The following BRI3BP variants were observed in gnomAD, a reference collection of about 807,000 sequenced individuals.
The protein encoded by BRI3BP is BRI3 binding protein, also known as BRI3-binding protein.
A neutral mutation model predicts 15.8 loss-of-function variants in BRI3BP; 7 were observed. The ratio of observed to expected loss-of-function variants is 0.44; its 90% CI spans 0.25 to 0.83. The LOEUF (loss-of-function observed/expected upper bound fraction) is 0.83, where lower values mean the gene tolerates loss of function less well. Among genes scored for constraint, BRI3BP ranks in the 40% least tolerant of loss-of-function variants. The pLI is 0.20. For synonymous variants in BRI3BP, 192 were observed against 163.5 expected (o/e 1.17, Z -1.33); for missense variants, 320 against 339.3 (o/e 0.94, Z 0.45).
intron 2 of BRI3BP, among the ~76,000 whole-genome samples, chr12:125,016,594 C>T (rs1034200342): frequency 6.6e-6 from 1 of 151,906 alleles, no homozygotes; most frequent in African/African-American, 2.4e-5. Context: ...GGCGCTATCT[C>T]GGCTCACTGC....
At chr12:125,044,783 T>C in the BRI3BP span, among the ~76,000 whole-genome samples, 1 of 152,054 alleles carries the variant, frequency 6.6e-6, no homozygotes, top group Non-Finnish European at 1.5e-5. Flanking sequence ...CTTTAAAATT[T>C]ATTGCAGAGA....
chr12:125,016,220 C>T (rs529537580), intron 2 of BRI3BP, among the ~76,000 whole-genome samples: 7 of 152,198 alleles, frequency 4.6e-5, no homozygotes, highest in South Asian at 2.1e-4. Flanking sequence ...TCAAGGCATC[C>T]GAAGCCCTTT....
the BRI3BP span, among the ~76,000 whole-genome samples, chr12:125,049,008 G>C: frequency 6.6e-6 from 1 of 152,082 alleles, no homozygotes. Context: ...GCCTAGGCTG[G>C]AGTGCAATGG....
intron 2 of BRI3BP, among the ~76,000 whole-genome samples, chr12:125,016,166 G>C (rs564329084): frequency 1.3e-5 from 2 of 152,270 alleles, no homozygotes; most frequent in South Asian, 4.1e-4. Flanking sequence ...AAACGAGCTT[G>C]CTTCCGTGTC....
At position 125,027,296 on chromosome 12, in the gene BRI3BP, T is replaced by C. The variant is rs1289968105; in HGVS notation, c.*1866T>C. 9 of 152,136 alleles carry C rather than the reference T, an allele frequency of 5.9e-5. No homozygotes were observed. The highest frequency in any genetic ancestry group is 2.2e-4 in the African/African-American group (9 of 41,412). The allele number at this position is 152,136 out of a possible 1,614,324, so 9.4% of individuals were successfully genotyped here. On this transcript the variant is annotated 3_prime_UTR_variant, in exon 3 of 3. Transcript: ENST00000341446. ...GGTACACATGATGGGACCCAAACTC[T>C]CCTGGAGAGTTCCATTCACTTCCTG...
At chr12:125,011,913 C>T (rs987483747) in intron 1 of BRI3BP, among the ~76,000 whole-genome samples, 1 of 152,082 alleles carries the variant, frequency 6.6e-6, no homozygotes, top group Admixed American at 6.5e-5. Flanking sequence ...CCGCAGGGTG[C>T]GGTGCAGTGT....
Position 125,025,622 on chromosome 12 carries a change from C to T in BRI3BP, c.*192C>T. The T allele has an allele frequency of 3.4e-6, 2 of 582,566 alleles. No homozygotes were observed. The highest frequency in any genetic ancestry group is 2.7e-5 in the South Asian group (1 of 37,242). The allele number at this position is 582,566 out of a possible 1,614,324, so 36.1% of individuals were successfully genotyped here. A position where few individuals can be genotyped will look rare whatever the true frequency, so the allele number is the denominator to read the frequency against. On this transcript the variant is annotated 3_prime_UTR_variant, in exon 3 of 3. Transcript: ENST00000341446. ...CCCAGAAGAGCGGAAAGATCATTGACGTGGAACTACACACGAAGTGTAATT... is the reference window on the plus strand; with the variant it reads ...CCCAGAAGAGCGGAAAGATCATTGATGTGGAACTACACACGAAGTGTAATT...
rs35697952 is a variant in BRI3BP, at chr12:125,011,093, T to TAA, written c.214-1419_214-1418dup. 6.6e-3 allele frequency among the ~76,000 whole-genome samples: 620 copies of TAA among 93,356 alleles called. 6 individuals are homozygous for TAA. Among genetic ancestry groups the TAA allele is most frequent in the East Asian group, 0.025 (74 of 2,952 alleles). 61.2% of individuals were successfully genotyped at this position (93,356 alleles called of 152,430 possible). A position where few individuals can be genotyped will look rare whatever the true frequency, so the allele number is the denominator to read the frequency against. On this transcript the variant is annotated intron_variant, in intron 1 of 2. Transcript: ENST00000341446. ...GGAGTGACAGAGCGAGACCCTGTCT[T>TAA]AAAAAAAAAAAAAAAAAAAAAAAGC...
At chr12:125,011,144 C>G (rs1355705814) in intron 1 of BRI3BP, among the ~76,000 whole-genome samples, 1 of 150,114 alleles carries the variant, frequency 6.7e-6, no homozygotes, top group African/African-American at 2.4e-5. Flanking sequence ...GAGGCATTTA[C>G]CCTTCACACG....
intron 1 of BRI3BP, among the ~76,000 whole-genome samples, chr12:124,995,290 A>C (rs1955031074): frequency 6.6e-6 from 1 of 152,216 alleles, no homozygotes; most frequent in Non-Finnish European, 1.5e-5. Context: ...GAATGTGAAA[A>C]GGTTGCCCTG....
chr12:125,045,665 C>T, the BRI3BP span, among the ~76,000 whole-genome samples: 2 of 152,184 alleles, frequency 1.3e-5, no homozygotes, highest in African/African-American at 2.4e-5. Context: ...AGTGCCTCCC[C>T]ACCCTTGTGA....
the BRI3BP span, among the ~76,000 whole-genome samples, chr12:125,041,079 T>G: frequency 6.6e-6 from 1 of 151,574 alleles, no homozygotes; most frequent in Non-Finnish European, 1.5e-5. Flanking sequence ...GGAGTCTCGC[T>G]CTGTCGCCCA....
intron 2 of BRI3BP, among the ~76,000 whole-genome samples, chr12:125,020,644 G>A (rs1189985571): frequency 6.6e-6 from 1 of 152,194 alleles, no homozygotes; most frequent in East Asian, 1.9e-4. Context: ...CAGCACTTTG[G>A]GAGGTTGAGG....
chr12:125,001,062 TA>T (rs1688398153), intron 1 of BRI3BP, among the ~76,000 whole-genome samples: 1 of 151,632 alleles, frequency 6.6e-6, no homozygotes, highest in Non-Finnish European at 1.5e-5. Context: ...TTTTTATTTT[TA>T]TTTTTTTTTG....
intron 2 of BRI3BP, among the ~76,000 whole-genome samples, chr12:125,018,717 T>A (rs958577879): frequency 1.2e-4 from 18 of 151,432 alleles, no homozygotes; most frequent in African/African-American, 4.4e-4. Flanking sequence ...TCTTGCCCTG[T>A]TGCCCAGGCT....
intron 2 of BRI3BP, among the ~76,000 whole-genome samples, chr12:125,013,720 G>T (rs1425840969): frequency 6.6e-6 from 1 of 152,220 alleles, no homozygotes; most frequent in African/African-American, 2.4e-5. Flanking sequence ...ATTGCCAGGG[G>T]AGCTGGCCCC....
At chr12:125,024,918 T>C in intron 2 of BRI3BP, 73 bp from the exon 3 acceptor site, 1 of 1,371,168 alleles carries the variant, frequency 7.3e-7, no homozygotes, top group South Asian at 1.4e-5. Context: ...CCAGCTCAAC[T>C]ATCCAATTCT....
rs1955278838 is a variant in BRI3BP, at chr12:125,019,660, C to CTTTTTTTTTTTTTTTTTTTTTTTTTTT, written c.317-5325_317-5324insTTTTTTTTTTTTTTTTTTTTTTTTTTT. On this transcript the variant is annotated intron_variant, in intron 2 of 2. Transcript: ENST00000341446. ...CTTTTTTTTTTTTTTTTTTTTTTGC[C>CTTTTTTTTTTTTTTTTTTTTTTTTTTT]TTTTTTGCTGTGAGTACTTGAAAAT... Among the ~76,000 whole-genome samples the CTTTTTTTTTTTTTTTTTTTTTTTTTTT allele has an allele frequency of 1.8e-3, 44 of 24,734 alleles. 6 individuals carry two copies. The highest frequency in any genetic ancestry group is 2.0e-3 in the Admixed American group (4 of 2,008). The allele number at this position is 24,734 out of a possible 152,430, so 16.2% of individuals were successfully genotyped here. A position where few individuals can be genotyped will look rare whatever the true frequency, so the allele number is the denominator to read the frequency against.
chr12:125,044,556 T>C, the BRI3BP span, among the ~76,000 whole-genome samples: 1 of 151,770 alleles, frequency 6.6e-6, no homozygotes, highest in Non-Finnish European at 1.5e-5. Context: ...TTCAAGCTAT[T>C]CTTCCCCTTC....
Sources: gnomAD v4.1 joint callset for allele counts (sites outside exome capture counted in the v4.1 genomes callset) on GRCh38, gnomAD v4.1.1 for gene constraint, MANE v1.5 for transcripts, NCBI Gene and HGNC (gene_info 2026-07-23, HGNC 2026-07-21) for gene names.